PLGRKT: variants seen among roughly 807,000 people sequenced by gnomAD.
PLGRKT encodes the protein plasminogen receptor (KT).
A neutral mutation model predicts 18.5 loss-of-function variants in PLGRKT; 22 were observed. That is an observed-to-expected ratio of 1.19 (90% CI 0.85 to 1.70). The LOEUF (loss-of-function observed/expected upper bound fraction) is 1.70. Among genes scored for constraint, PLGRKT ranks in the 40% most tolerant of loss-of-function variants. PLGRKT has a pLI of 0.00. For synonymous variants in PLGRKT, 72 were observed against 52.8 expected, an observed-to-expected ratio of 1.36 and a Z score of -1.58; for missense variants, 235 against 174.4, an observed-to-expected ratio of 1.35 and a Z score of -1.96.
rs766157165 is a variant in PLGRKT at position 5,430,924 on chromosome 9, C to T, written c.81+973G>A. ...TCTGCAGTGCTTTGATCTTTTCTAT[C>T]CAGCCACGTCTAAATCCAATGTTAA... On this transcript the variant is annotated intron_variant, in intron 3 of 5. Transcript: ENST00000223864. Among the ~76,000 whole-genome samples the T allele has an allele frequency of 6.8e-4, 103 of 152,312 alleles. 3 individuals are homozygous for T. Among genetic ancestry groups the T allele is most frequent in the Admixed American group, 3.3e-4 (5 of 15,296 alleles).
chr9:5,372,598 C>T (rs1391239269), intron 3 of PLGRKT, among the ~76,000 whole-genome samples: 1 of 152,198 alleles, frequency 6.6e-6, no homozygotes, highest in African/African-American at 2.4e-5. Flanking sequence ...TCCACAGCTA[C>T]TGCCTCCTGC....
Position 5,358,225 on chromosome 9 carries a change from T to A in PLGRKT, c.*14A>T. The A allele has an allele frequency of 6.3e-7, 1 of 1,598,368 alleles. No homozygotes were observed. Among genetic ancestry groups the A allele is most frequent in the East Asian group, 2.2e-5 (1 of 44,720 alleles). ...ATAATTCTGTGCTTTGAGATTTGAT[T>A]GGTAAGCATGATTTCATTTGTCTAT... is the stretch of plus-strand genomic sequence containing the variant. On this transcript the variant is annotated 3_prime_UTR_variant, in exon 6 of 6. Transcript: ENST00000223864.
intron 3 of PLGRKT, among the ~76,000 whole-genome samples, chr9:5,392,918 T>C (rs1489584414): frequency 6.6e-6 from 1 of 151,770 alleles, no homozygotes; most frequent in Non-Finnish European, 1.5e-5. Context: ...CTCGGCTCAC[T>C]GCAACCTCCA....
chr9:5,418,502 T>C lies in PLGRKT; in HGVS notation c.81+13395A>G. On this transcript the variant is annotated intron_variant, in intron 3 of 5. Coordinates refer to ENST00000223864, the MANE Select transcript of PLGRKT (RefSeq NM_018465.4). The surrounding 1 kb of genome is among the most constrained non-coding windows in gnomAD (Gnocchi z 4.2). Reference sequence around the variant, plus strand: ...CTCAACCACATGGAGCTTTTCACCATGCCCCGCCTGTCCTGCTCCTCCTCC... The same window carrying C: ...CTCAACCACATGGAGCTTTTCACCACGCCCCGCCTGTCCTGCTCCTCCTCC... The C allele has an allele frequency of 4.6e-6, 5 of 1,095,182 alleles. No individual in the cohort carries two copies. The highest frequency in any genetic ancestry group is 4.2e-6 in the Non-Finnish European group (3 of 714,798). The allele number at this position is 1,095,182 out of a possible 1,614,324, so 67.8% of individuals were successfully genotyped here.
chr9:5,423,322 G>C (rs1356633922), intron 3 of PLGRKT, among the ~76,000 whole-genome samples: 1 of 152,188 alleles, frequency 6.6e-6, no homozygotes, highest in Non-Finnish European at 1.5e-5. Flanking sequence ...ATGTGTAAAT[G>C]AATGTTGTAA....
chr9:5,433,929 G>A (rs1370076942), intron 2 of PLGRKT, among the ~76,000 whole-genome samples: 1 of 144,338 alleles, frequency 6.9e-6, no homozygotes, highest in Non-Finnish European at 1.5e-5. Context: ...TGGGAATTGA[G>A]GAGCACCTCT....
rs678713 is a variant in PLGRKT, at chr9:5,398,012, C to A, written c.81+33885G>T. 4.0e-4 allele frequency among the ~76,000 whole-genome samples: 61 copies of A among 152,074 alleles called. 2 individuals carry two copies. Among genetic ancestry groups the A allele is most frequent in the African/African-American group, 1.2e-3 (51 of 41,328 alleles). The stretch of plus-strand genomic sequence containing the variant: ...TAGGAACTCTGTAGCTTGGTGCCCA[C>A]ATCCGAATGGATGCATAGAGCAAAG... On this transcript the variant is annotated intron_variant, in intron 3 of 5. Transcript: ENST00000223864.
chr9:5,360,552 T>G (rs557182859), intron 5 of PLGRKT, among the ~76,000 whole-genome samples: 77 of 152,346 alleles, frequency 5.1e-4, no homozygotes, highest in African/African-American at 1.7e-3. Flanking sequence ...AAGCCTTGAT[T>G]TGGCAACAAC....
intron 3 of PLGRKT, among the ~76,000 whole-genome samples, chr9:5,363,870 A>G (rs897725504): frequency 4.6e-5 from 7 of 152,230 alleles, no homozygotes; most frequent in Admixed American, 1.3e-4. Context: ...GCTGTCACCA[A>G]GAGAAACTGA....
chr9:5,389,989 T>A (rs1046577479), intron 3 of PLGRKT, among the ~76,000 whole-genome samples: 2 of 151,718 alleles, frequency 1.3e-5, no homozygotes, highest in African/African-American at 4.9e-5. Context: ...CCAGGAAGGT[T>A]GGTACATCAT....
chr9:5,434,840 C>T (rs986755362), intron 2 of PLGRKT, among the ~76,000 whole-genome samples: 11 of 151,952 alleles, frequency 7.2e-5, no homozygotes, highest in Non-Finnish European at 1.3e-4. Flanking sequence ...CCATCGAGAA[C>T]GGGCCATGAT....
intron 3 of PLGRKT, among the ~76,000 whole-genome samples, chr9:5,394,287 A>G (rs1181332764): frequency 6.6e-6 from 1 of 151,884 alleles, no homozygotes; most frequent in Admixed American, 6.6e-5. Flanking sequence ...CATATTTACT[A>G]GTTTCTAACA....
rs1447985898 is a variant in PLGRKT, at chr9:5,394,479, C to T, written c.82-32591G>A. ...CCAGGCTGGAGTGCAATGGCGCAAT[C>T]TCAGCTCACTGCAACTTCCGCCTCC... On this transcript the variant is annotated intron_variant, in intron 3 of 5. Transcript: ENST00000223864. Among the ~76,000 whole-genome samples the T allele has an allele frequency of 2.6e-5, 4 of 151,880 alleles. 1 individual carries two copies. The highest frequency in any genetic ancestry group is 9.7e-5 in the African/African-American group (4 of 41,184).
intron 3 of PLGRKT, among the ~76,000 whole-genome samples, chr9:5,423,286 G>T (rs965904463): frequency 6.6e-6 from 1 of 152,212 alleles, no homozygotes; most frequent in East Asian, 1.9e-4. Context: ...ACTGGCACGT[G>T]ATAGACACTC....
intron 5 of PLGRKT, among the ~76,000 whole-genome samples, chr9:5,359,945 T>C (rs1817226768): frequency 6.6e-6 from 1 of 152,236 alleles, no homozygotes; most frequent in Non-Finnish European, 1.5e-5. Flanking sequence ...GTACATAAAA[T>C]TCCACATACT....
At chr9:5,403,696 T>C (rs1045117087) in intron 3 of PLGRKT, among the ~76,000 whole-genome samples, 2 of 152,242 alleles carry the variant, frequency 1.3e-5, no homozygotes, top group Non-Finnish European at 2.9e-5. Flanking sequence ...ACTTCTATCC[T>C]GGAAGCAAAT....
intron 3 of PLGRKT, among the ~76,000 whole-genome samples, chr9:5,407,888 G>C (rs969736025): frequency 1.3e-5 from 2 of 152,188 alleles, no homozygotes; most frequent in African/African-American, 4.8e-5. Context: ...ATGTGTGTGT[G>C]TGTCTGTGTG....
At chr9:5,370,502 A>G (rs1817493142) in intron 3 of PLGRKT, among the ~76,000 whole-genome samples, 1 of 152,234 alleles carries the variant, frequency 6.6e-6, no homozygotes, top group Non-Finnish European at 1.5e-5. Context: ...ACTCTGAGAA[A>G]CAAATCAGTT....
intron 3 of PLGRKT, among the ~76,000 whole-genome samples, chr9:5,431,162 T>A (rs1818814332): frequency 6.6e-6 from 1 of 152,208 alleles, no homozygotes; most frequent in Non-Finnish European, 1.5e-5. Context: ...TGACTCATGA[T>A]CCTTAAACAA....
Sources: gnomAD v4.1 joint callset for allele counts (sites outside exome capture counted in the v4.1 genomes callset) on GRCh38, gnomAD v4.1.1 for gene constraint, Gnocchi (gnomAD v3.1) non-coding constraint, MANE v1.5 for transcripts, NCBI Gene and HGNC (gene_info 2026-07-23, HGNC 2026-07-21) for gene names.